The following HSPG2 variants were observed in gnomAD, a reference collection of about 807,000 sequenced individuals.
The protein encoded by HSPG2 is heparan sulfate proteoglycan 2.
HSPG2 carries 278 observed loss-of-function variants against 526.6 expected under a neutral mutation model. The ratio of observed to expected loss-of-function variants is 0.53; its 90% confidence interval spans 0.48 to 0.58. The LOEUF (loss-of-function observed/expected upper bound fraction) is 0.58. Among genes scored for constraint, HSPG2 ranks in the 20% least tolerant of loss-of-function variants. The probability of loss-of-function intolerance (pLI) is 0.00; values close to 1 mark genes in which losing one functional copy is unlikely to be tolerated. For synonymous variants in HSPG2, 2,465 were observed against 2,555.4 expected (o/e 0.96, Z 1.07); for missense variants, 5,354 against 6,099.5 (o/e 0.88, Z 4.07).
intron 71 of HSPG2, 145 bp downstream of exon 71, chr1:21,840,956 C>T: frequency 1.4e-6 from 1 of 718,620 alleles, no homozygotes; most frequent in Non-Finnish European, 2.4e-6. Flanking sequence ...GTCTATTCGT[C>T]ATCCACCCAT....
rs999309758 is a variant in HSPG2 at position 21,860,230 on chromosome 1, C to A, written c.4961G>T (p.Gly1654Val). Residue 1654 changes from glycine (G) to valine (V), a missense_variant, in exon 40 of 97, where the codon GGC becomes GTC. Gly to Val is a moderately radical substitution (Grantham distance 109). Transcript: ENST00000374695. ...ACTGGGGTTACCCACGTAACCTGGGCCACACCTGTAAGGGGGAACAAGGGC... is the reference window on the plus strand; with the variant it reads ...ACTGGGGTTACCCACGTAACCTGGGACACACCTGTAAGGGGGAACAAGGGC... The part of the protein sequence containing the change: ...GYTGQYCEQC[G>V]PGYVGNPSVQ... 1.9e-6 allele frequency: 3 copies of A among 1,613,306 alleles called. No homozygotes were observed. Among genetic ancestry groups the A allele is most frequent in the Admixed American group, 3.3e-5 (2 of 59,956 alleles).
chr1:21,936,020 G>A (rs1644479790), intron 1 of HSPG2, among the ~76,000 whole-genome samples: 1 of 152,150 alleles, frequency 6.6e-6, no homozygotes, highest in African/African-American at 2.4e-5. Context: ...GGCCAGGCAG[G>A]CAGTTCCTGG....
chr1:21,902,597 T>C (rs6680566), intron 1 of HSPG2, among the ~76,000 whole-genome samples: 45,500 of 152,124 alleles, frequency 0.3, 7,186 homozygotes, highest in Admixed American at 0.4. Context: ...GCTGGGTTCA[T>C]GCTTCTGTAT....
intron 1 of HSPG2, among the ~76,000 whole-genome samples, chr1:21,926,217 T>C (rs1218522965): frequency 2.0e-5 from 3 of 152,308 alleles, no homozygotes; most frequent in Middle Eastern, 3.4e-3. Context: ...TATGCGATAA[T>C]GCCTGGCAAG....
chr1:21,883,895 G>A (rs766324758), intron 13 of HSPG2, among the ~76,000 whole-genome samples: 107 of 152,292 alleles, frequency 7.0e-4, no homozygotes, highest in Non-Finnish European at 1.9e-4. Context: ...CCATCTGCCT[G>A]CCTCTATCTT....
Position 21,865,430 on chromosome 1 carries a change from C to T in HSPG2, c.4315-65G>A. ...GTCCCTGGGGTGCCAGGGTGTCCTCCACCAGTCCTAGATTCTCTGTAACCC... is the reference window on the plus strand; with the variant it reads ...GTCCCTGGGGTGCCAGGGTGTCCTCTACCAGTCCTAGATTCTCTGTAACCC... On this transcript the variant is annotated intron_variant, in intron 34 of 96. Transcript: ENST00000374695. This position sits in a 1 kb window ranked among gnomAD's most constrained non-coding sequence, Gnocchi z 5.4. 1 of 1,445,238 alleles carries T rather than the reference C, an allele frequency of 6.9e-7. No individual in the cohort carries two copies. The highest frequency in any genetic ancestry group is 9.7e-7 in the Non-Finnish European group (1 of 1,027,736). 89.5% of individuals were successfully genotyped at this position (1,445,238 alleles called of 1,614,324 possible). A position where few individuals can be genotyped will look rare whatever the true frequency, so the allele number is the denominator to read the frequency against.
At chr1:21,829,827 CAAT>C in intron 86 of HSPG2, 163 bp downstream of exon 86, 1 of 745,960 alleles carries the variant, frequency 1.3e-6, no homozygotes. Context: ...GGCCCTCACT[CAAT>C]AAGGGGCTCA....
rs1424105024 is a variant in HSPG2, at chr1:21,874,417, A to C, written c.3645T>G (p.Pro1215=). Residue 1215 remains proline, a synonymous_variant, in exon 28 of 97, where the codon CCT becomes CCG. Coordinates refer to ENST00000374695, the MANE Select transcript of HSPG2 (RefSeq NM_005529.7). ...DCQLCPCYGD[P]AAGQAAHTCF... ...GGGACTGGACGCACTGGCCGGCAGCAGGGTCTCCGTAGCAGGGGCACAGCT... is the reference window on the plus strand; with the variant it reads ...GGGACTGGACGCACTGGCCGGCAGCCGGGTCTCCGTAGCAGGGGCACAGCT... The C allele has an allele frequency of 4.3e-6, 7 of 1,611,380 alleles. No individual in the cohort carries two copies. The highest frequency in any genetic ancestry group is 5.9e-6 in the Non-Finnish European group (7 of 1,179,750).
Position 21,834,698 on chromosome 1 carries a change from G to A in HSPG2, c.10701C>T (p.His3567=), listed in dbSNP as rs746152500. The A allele has an allele frequency of 4.0e-5, 64 of 1,614,070 alleles. No homozygotes were observed. The highest frequency in any genetic ancestry group is 6.7e-5 in the Admixed American group (4 of 59,992). The change falls in exon 77 of 97, where the codon CAC becomes CAT. Residue 3567 remains histidine, a synonymous_variant. Coordinates refer to ENST00000374695, the MANE Select transcript of HSPG2 (RefSeq NM_005529.7). The stretch of plus-strand genomic sequence containing the variant: ...CTTCACCTTGCACAAGCAGCAGGAC[G>A]TGGGATTGTGTGGTGCCAGCTGCGT... ...ATNAAGTTQS[H]VLLLVQALPQ... is the part of the protein sequence containing the mutation.
chr1:21,851,409 A>T, intron 55 of HSPG2, 137 bp downstream of exon 55: 2 of 1,285,332 alleles, frequency 1.6e-6, no homozygotes, highest in South Asian at 2.6e-5. Context: ...TCTGGTTTCT[A>T]ACCACTGCAC....
Position 21,855,552 on chromosome 1 carries a change from T to G in HSPG2, c.5825A>C (p.Gln1942Pro). The G allele has an allele frequency of 6.2e-7, 1 of 1,604,852 alleles. No homozygotes were observed. The highest frequency in any genetic ancestry group is 8.5e-7 in the Non-Finnish European group (1 of 1,176,952). ...LCRAHSSAGQ[Q>P]VARAVLHVHG... ...CACGTGGAGCACAGCCCTGGCCACC[T>G]GCTGCCCAGCGCTGCTGTGGGCTCG... Residue 1942 changes from glutamine (Q) to proline (P), a missense_variant, in exon 46 of 97, where the codon CAG becomes CCG. Transcript: ENST00000374695.
intron 87 of HSPG2, 80 bp from the exon 88 acceptor site, chr1:21,829,159 A>G: frequency 6.7e-7 from 1 of 1,497,110 alleles, no homozygotes; most frequent in African/African-American, 1.4e-5. Flanking sequence ...CAGGGCCCTG[A>G]GCAGATGGGG....
At chr1:21,833,792 G>T (rs755782172) in intron 78 of HSPG2, 24 bp downstream of exon 78, 66 of 1,548,096 alleles carry the variant, frequency 4.3e-5, no homozygotes, top group Non-Finnish European at 5.6e-5. Context: ...AGTCATGCCC[G>T]CTGGTTCCCT....
Position 21,880,152 on chromosome 1 carries a change from G to A in HSPG2, c.2298C>T (p.Cys766=). Residue 766 remains cysteine, a synonymous_variant, in exon 17 of 97, where the codon TGC becomes TGT. Coordinates refer to ENST00000374695, the MANE Select transcript of HSPG2 (RefSeq NM_005529.7). ...PYLGTCSGCN[C]NGHASSCDPV... is the part of the protein sequence containing the mutation. Reference sequence around the variant, plus strand: ...GGTCACAGGAGCTGGCATGGCCATTGCAATTGCAACCAGAGCAGGTGCCCA... The same window carrying A: ...GGTCACAGGAGCTGGCATGGCCATTACAATTGCAACCAGAGCAGGTGCCCA... 6.2e-7 allele frequency: 1 copy of A among 1,614,134 alleles called. No homozygotes were observed. Among genetic ancestry groups the A allele is most frequent in the Non-Finnish European group, 8.5e-7 (1 of 1,179,996 alleles).
intron 30 of HSPG2, 76 bp from the exon 31 acceptor site, chr1:21,873,167 A>G (rs1393487317): frequency 5.4e-6 from 7 of 1,300,738 alleles, no homozygotes; most frequent in Non-Finnish European, 7.7e-6. Context: ...TCTGCTCACC[A>G]CTGAGCGGGA....
rs1420535094 is a variant in HSPG2, at chr1:21,831,017, C to T, written c.11636G>A (p.Arg3879His). 6.3e-6 allele frequency: 10 copies of T among 1,589,198 alleles called. No homozygotes were observed. The highest frequency in any genetic ancestry group is 7.7e-6 in the Non-Finnish European group (9 of 1,168,026). Residue 3879 changes from arginine (R) to histidine (H), a missense_variant, in exon 85 of 97, where the codon CGC (arginine) becomes CAC (histidine). By Grantham distance (29) the Arg-to-His change is conservative. Transcript: ENST00000374695. ...GTGCAGGGCCTGCGAGTGCTCACAG[C>T]GGCTCCCGGTGAAGCCAGCTGGGCA... ...CVCPAGFTGS[R>H]CEHSQALHCH...
At chr1:21,936,046 G>C (rs768417269) in intron 1 of HSPG2, among the ~76,000 whole-genome samples, 15 of 152,098 alleles carry the variant, frequency 9.9e-5, no homozygotes, top group Non-Finnish European at 1.6e-4. Context: ...CACCAGCCTG[G>C]TTAGAAAAGT....
chr1:21,889,894 G>T, intron 6 of HSPG2, 87 bp downstream of exon 6: 2 of 1,383,568 alleles, frequency 1.4e-6, no homozygotes, highest in Non-Finnish European at 1.0e-6. Context: ...TGGTGTGCAA[G>T]CCCAAGTTGG....
At chr1:21,932,116 C>G (rs1644365330) in intron 1 of HSPG2, among the ~76,000 whole-genome samples, 1 of 148,704 alleles carries the variant, frequency 6.7e-6, no homozygotes, top group Non-Finnish European at 1.5e-5. Flanking sequence ...GGAGACCCCA[C>G]GGACACTGAG....
Sources: allele counts gnomAD v4.1 joint callset (sites outside exome capture counted in the v4.1 genomes callset), GRCh38; gene constraint gnomAD v4.1.1; non-coding constraint Gnocchi (gnomAD v3.1); transcripts MANE v1.5; gene names NCBI Gene and HGNC (gene_info 2026-07-23, HGNC 2026-07-21).